TAF8: variants seen among roughly 807,000 people sequenced by gnomAD.
TAF8 encodes the protein TATA-box binding protein associated factor 8.
A neutral mutation model predicts 36.5 loss-of-function variants in TAF8; 47 were observed. The observed-to-expected ratio is 1.29, with a 90% confidence interval of 1.02 to 1.64. TAF8 has a LOEUF of 1.64. Among genes scored for constraint, TAF8 ranks in the 40% most tolerant of loss-of-function variants. The pLI is 0.00. For synonymous variants in TAF8, 175 were observed against 159.5 expected (o/e 1.10, Z -0.73); for missense variants, 420 against 407.6 (o/e 1.03, Z -0.26).
rs985111080 is a variant in TAF8, at chr6:42,056,107, A to G, written c.364+93A>G. 4 of 845,182 alleles carry G rather than the reference A, an allele frequency of 4.7e-6. No homozygotes were observed. In the African/African-American group the frequency reaches 6.7e-5, roughly 14 times the overall value. 52.4% of individuals were successfully genotyped at this position (845,182 alleles called of 1,614,324 possible). On this transcript the variant is annotated intron_variant, in intron 4 of 8. Coordinates refer to ENST00000372977, the MANE Select transcript of TAF8 (RefSeq NM_138572.3). Reference sequence around the variant, plus strand: ...TATGGTAGGGATTGGATTAGTAGCTACTTCCTTGTTGTGGGCTCTCTTCCA... The same window carrying G: ...TATGGTAGGGATTGGATTAGTAGCTGCTTCCTTGTTGTGGGCTCTCTTCCA...
chr6:42,069,329 A>AT (rs1765480039), intron 7 of TAF8, among the ~76,000 whole-genome samples: 1 of 152,132 alleles, frequency 6.6e-6, no homozygotes, highest in Non-Finnish European at 1.5e-5. Context: ...AGGATGGGCT[A>AT]TAGAGGGCAG....
Position 42,065,432 on chromosome 6 carries a change from C to A in TAF8, c.490-880C>A, listed in dbSNP as rs1353311801. Reference sequence around the variant, plus strand: ...TTTCACTCCATAACTTGATTGCCAGCAAGCTCATAATTAGGAGGAAGAGTA... The same window carrying A: ...TTTCACTCCATAACTTGATTGCCAGAAAGCTCATAATTAGGAGGAAGAGTA... On this transcript the variant is annotated intron_variant, in intron 5 of 8. Transcript: ENST00000372977. Among the ~76,000 whole-genome samples the A allele has an allele frequency of 2.0e-5, 3 of 152,204 alleles. No individual in the cohort carries two copies. The East Asian group carries it at 5.8e-4, about 29-fold the overall frequency.
Position 42,079,158 on chromosome 6 carries a change from A to G in TAF8, c.*1613A>G, listed in dbSNP as rs962270302. Reference sequence around the variant, plus strand: ...AAAAGGATAAAGTAAACAATAGGAAAGGATTTGGTGGGGTGAGGGTGGGGT... The same window carrying G: ...AAAAGGATAAAGTAAACAATAGGAAGGGATTTGGTGGGGTGAGGGTGGGGT... On this transcript the variant is annotated 3_prime_UTR_variant, in exon 9 of 9. Transcript: ENST00000372977. 7 of 984,302 alleles carry G rather than the reference A, an allele frequency of 7.1e-6. No homozygotes were observed. Among genetic ancestry groups the G allele is most frequent in the African/African-American group, 1.7e-5 (1 of 57,192 alleles). 61.0% of individuals were successfully genotyped at this position (984,302 alleles called of 1,614,324 possible). A position where few individuals can be genotyped will look rare whatever the true frequency, so the allele number is the denominator to read the frequency against.
In TAF8 at chr6:42,080,575, C is replaced by T. The variant is rs1026341458; in HGVS notation, c.*3030C>T. On this transcript the variant is annotated 3_prime_UTR_variant, in exon 9 of 9. Transcript: ENST00000372977. ...ATTTTTGGTAGAGACGGGGTTTCAC[C>T]AGGTTGGCCAGGGTGGTCTCGAACA... is the stretch of plus-strand genomic sequence containing the variant. The T allele has an allele frequency of 1.1e-5, 6 of 548,364 alleles. No homozygotes were observed. The highest frequency in any genetic ancestry group is 1.4e-5 in the Non-Finnish European group (6 of 431,434). The allele number at this position is 548,364 out of a possible 1,614,324, so 34.0% of individuals were successfully genotyped here. A position where few individuals can be genotyped will look rare whatever the true frequency, so the allele number is the denominator to read the frequency against.
chr6:42,050,554 G>T lies in TAF8; in HGVS notation c.13G>T (p.Ala5Ser). 1 of 1,556,158 alleles carries T rather than the reference G, an allele frequency of 6.4e-7. No homozygotes were observed. Among genetic ancestry groups the T allele is most frequent in the Non-Finnish European group, 8.7e-7 (1 of 1,150,252 alleles). Reference sequence around the variant, plus strand: ...ACGCCAGAACAAGATGGCCGACGCGGCGGCCACAGCTGGGGCCGGTGGCTC... The same window carrying T: ...ACGCCAGAACAAGATGGCCGACGCGTCGGCCACAGCTGGGGCCGGTGGCTC... MADA[A>S]ATAGAGGSGT... is the part of the protein sequence containing the mutation. Residue 5 changes from alanine to serine, a missense_variant, in exon 1 of 9, where the codon GCG becomes TCG. Ala to Ser is a moderately conservative substitution (Grantham distance 99). Transcript: ENST00000372977.
chr6:42,085,361 A>G (rs1766011773), downstream of TAF8, among the ~76,000 whole-genome samples: 1 of 152,228 alleles, frequency 6.6e-6, no homozygotes, highest in Non-Finnish European at 1.5e-5. Context: ...GGGTATCTGC[A>G]GGCCAACTTC....
chr6:42,052,615 C>G (rs950499160), intron 2 of TAF8, among the ~76,000 whole-genome samples: 2 of 152,192 alleles, frequency 1.3e-5, no homozygotes, highest in Admixed American at 1.3e-4. Context: ...AGCCACTACA[C>G]CCAGCTGAAA....
rs1348124652 is a variant in TAF8 at position 42,051,501 on chromosome 6, A to G, written c.190A>G (p.Met64Val). The G allele has an allele frequency of 3.7e-6, 6 of 1,614,028 alleles. No homozygotes were observed. The South Asian group carries it at 6.6e-5, about 18-fold the overall frequency. Residue 64 changes from methionine to valine, a missense_variant, in exon 2 of 9, where the codon ATG becomes GTG. By Grantham distance (21) the Met-to-Val change is conservative (BLOSUM62 1). Coordinates refer to ENST00000372977, the MANE Select transcript of TAF8 (RefSeq NM_138572.3). ...AGCATCCGTGGAAACGCTGACAGAGATGCTGCAGAGCTGTGAGTACATGGA... is the reference window on the plus strand; with the variant it reads ...AGCATCCGTGGAAACGCTGACAGAGGTGCTGCAGAGCTGTGAGTACATGGA... ...EKASVETLTE[M>V]LQSYISEIGR...
chr6:42,076,692 A>G (rs1376188774), intron 7 of TAF8, among the ~76,000 whole-genome samples: 1 of 152,174 alleles, frequency 6.6e-6, no homozygotes. Context: ...CGCTATGCAG[A>G]TGATGTGTTC....
At chr6:42,055,914 G>C (rs1279924418) in intron 3 of TAF8, 38 bp from the exon 4 acceptor site, 1 of 1,360,242 alleles carries the variant, frequency 7.4e-7, no homozygotes, top group Non-Finnish European at 1.1e-6. Context: ...TCAATATCCA[G>C]TGGTCTGGGC....
chr6:42,063,202 C>A (rs1394874876), intron 5 of TAF8: 2 of 152,034 alleles, frequency 1.3e-5, no homozygotes, highest in Non-Finnish European at 2.9e-5. Flanking sequence ...ACTTTGTTGC[C>A]CAGGCTGCTG....
At position 42,079,780 on chromosome 6, in the gene TAF8, C is replaced by A; in HGVS notation, c.*2235C>A. 1.1e-6 allele frequency: 1 copy of A among 880,886 alleles called. No individual in the cohort carries two copies. Among genetic ancestry groups the A allele is most frequent in the Non-Finnish European group, 1.4e-6 (1 of 735,202 alleles). 54.6% of individuals were successfully genotyped at this position (880,886 alleles called of 1,614,324 possible). ...TGTTGCCCAGGCTGGTCTTGAACTC[C>A]TGGCCTCAAGTGATCCACCCGCCTT... On this transcript the variant is annotated 3_prime_UTR_variant, in exon 9 of 9. Transcript: ENST00000372977.
chr6:42,057,539 G>A (rs373294726), intron 5 of TAF8, 26 bp downstream of exon 5: 147 of 1,613,608 alleles, frequency 9.1e-5, no homozygotes, highest in Admixed American at 2.0e-4. Context: ...CTGGGACTGC[G>A]CGTGGTGTAA....
Position 42,055,593 on chromosome 6 carries a change from A to C in TAF8, c.265A>C (p.Thr89Pro). The C allele has an allele frequency of 6.2e-7, 1 of 1,614,206 alleles. No homozygotes were observed. The highest frequency in any genetic ancestry group is 8.5e-7 in the Non-Finnish European group (1 of 1,180,034). ...TGAGCACACAGCCAGGACCCAGCCC[A>C]CACTGTCCGATATCGTGGTCACACT... Reference protein sequence around the residue: ...YCEHTARTQPTLSDIVVTLVE... With the variant: ...YCEHTARTQPPLSDIVVTLVE... The change falls in exon 3 of 9, where the codon ACA becomes CCA. Residue 89 changes from threonine (T) to proline (P), a missense_variant. Transcript: ENST00000372977.
chr6:42,061,313 A>G (rs1765183384), intron 5 of TAF8, among the ~76,000 whole-genome samples: 2 of 152,222 alleles, frequency 1.3e-5, no homozygotes, highest in Non-Finnish European at 2.9e-5. Context: ...TTGGACACAT[A>G]CTAATAATAT....
At chr6:42,077,484 A>C in intron 8 of TAF8, 49 bp from the exon 9 acceptor site, 4 of 1,607,512 alleles carry the variant, frequency 2.5e-6, no homozygotes, top group Non-Finnish European at 3.4e-6. Context: ...CTAGAAGGAG[A>C]GCAGACAGGG....
chr6:42,082,961 T>C lies in TAF8; in HGVS notation c.*5416T>C, dbSNP rs1181824850. 1 of 152,200 alleles carries C rather than the reference T, an allele frequency of 6.6e-6. No individual in the cohort carries two copies. The highest frequency in any genetic ancestry group is 6.5e-5 in the Admixed American group (1 of 15,276). The allele number at this position is 152,200 out of a possible 1,614,324, so 9.4% of individuals were successfully genotyped here. A position where few individuals can be genotyped will look rare whatever the true frequency, so the allele number is the denominator to read the frequency against. On this transcript the variant is annotated 3_prime_UTR_variant, in exon 9 of 9. Coordinates refer to ENST00000372977, the MANE Select transcript of TAF8 (RefSeq NM_138572.3). ...GAGCGTGTGGCCTACCTCATCTCCA[T>C]TTGATTACTAGCTTTTCTTTTTCTC...
At chr6:42,083,348 G>GC (rs1765974213), downstream of TAF8, 1 of 152,174 alleles carries the variant, frequency 6.6e-6, no homozygotes. Context: ...GTGGTTTCCA[G>GC]CCCTCTGTTC....
intron 6 of TAF8, among the ~76,000 whole-genome samples, chr6:42,067,305 G>A (rs754888076): frequency 6.6e-6 from 1 of 152,132 alleles, no homozygotes; most frequent in Non-Finnish European, 1.5e-5. Flanking sequence ...TGCAACCTCC[G>A]CCTCCCGGGT....
Sources: gnomAD v4.1 joint callset for allele counts (sites outside exome capture counted in the v4.1 genomes callset) on GRCh38, gnomAD v4.1.1 for gene constraint, MANE v1.5 for transcripts, NCBI Gene and HGNC (gene_info 2026-07-23, HGNC 2026-07-21) for gene names.